PRDM16: variants seen among roughly 807,000 people sequenced by gnomAD.
The protein encoded by PRDM16 is PR/SET domain 16.
In PRDM16, 23 loss-of-function variants were observed where a neutral mutation model predicts 110.6. That is an observed-to-expected ratio of 0.21 (90% confidence interval 0.15 to 0.29). The LOEUF is 0.29. PRDM16 is among the 10% of genes least tolerant of loss of function. PRDM16 has a pLI of 1.00. For missense variants in PRDM16, 1,615 were observed against 1,794.3 expected (o/e 0.90, Z 1.81); for synonymous variants, 799 against 781.8 (o/e 1.02, Z -0.37).
intron 3 of PRDM16, among the ~76,000 whole-genome samples, chr1:3,275,581 C>T (rs968348359): frequency 1.3e-4 from 20 of 152,318 alleles, no homozygotes; most frequent in African/African-American, 4.1e-4. Context: ...AGGCAGCACT[C>T]CTCGGTGGGG....
chr1:3,242,656 C>G (rs143453673), intron 2 of PRDM16, among the ~76,000 whole-genome samples: 3 of 152,176 alleles, frequency 2.0e-5, no homozygotes, highest in African/African-American at 4.8e-5. Flanking sequence ...CAGGGTGACC[C>G]GGAAGGCGAT....
chr1:3,185,137 C>T (rs1644252951), intron 1 of PRDM16, among the ~76,000 whole-genome samples: 1 of 152,162 alleles, frequency 6.6e-6, no homozygotes, highest in African/African-American at 2.4e-5. Flanking sequence ...GAGGGCTTTG[C>T]TTTTCTTCCT....
chr1:3,389,781 G>A (rs1051423279), intron 4 of PRDM16, among the ~76,000 whole-genome samples: 3 of 152,206 alleles, frequency 2.0e-5, no homozygotes, highest in Non-Finnish European at 2.9e-5. Context: ...ACAGCTGCGG[G>A]GACCGAGCCT....
At chr1:3,123,611 G>A (rs1643142756) in intron 1 of PRDM16, among the ~76,000 whole-genome samples, 1 of 152,246 alleles carries the variant, frequency 6.6e-6, no homozygotes, top group Admixed American at 6.5e-5. Context: ...TGCTGGAACT[G>A]GGAGGGGGGG....
In PRDM16 at chr1:3,382,808, C is replaced by T. The variant is rs1489267546; in HGVS notation, c.439-2344C>T. On this transcript the variant is annotated intron_variant, in intron 3 of 16. Transcript: ENST00000270722. This position sits in a 1 kb window ranked among gnomAD's most constrained non-coding sequence, Gnocchi z 6.6. Reference sequence around the variant, plus strand: ...GGGCACGGCCCGCCCTGGGTGAGCACCAGCCCTCAGCCCACAGGCACTGTG... The same window carrying T: ...GGGCACGGCCCGCCCTGGGTGAGCATCAGCCCTCAGCCCACAGGCACTGTG... Among the ~76,000 whole-genome samples the T allele has an allele frequency of 6.6e-6, 1 of 152,194 alleles. No individual in the cohort carries two copies.
At chr1:3,137,026 G>A (rs1643452300) in intron 1 of PRDM16, among the ~76,000 whole-genome samples, 1 of 152,328 alleles carries the variant, frequency 6.6e-6, no homozygotes, top group African/African-American at 2.4e-5. Flanking sequence ...TCACCGGACA[G>A]ATGGGGTGGG....
At chr1:3,153,709 T>C (rs1456041963) in intron 1 of PRDM16, among the ~76,000 whole-genome samples, 2 of 152,204 alleles carry the variant, frequency 1.3e-5, no homozygotes, top group African/African-American at 4.8e-5. Flanking sequence ...GGGTTTCAAG[T>C]ACACATTTAA....
intron 3 of PRDM16, among the ~76,000 whole-genome samples, chr1:3,348,049 C>T (rs1424069329): frequency 6.6e-6 from 1 of 152,160 alleles, no homozygotes; most frequent in Non-Finnish European, 1.5e-5. Flanking sequence ...GTCAGGCTGC[C>T]CATGCCTCTG....
chr1:3,320,089 T>A (rs1488913672), intron 3 of PRDM16, among the ~76,000 whole-genome samples: 1 of 152,182 alleles, frequency 6.6e-6, no homozygotes, highest in African/African-American at 2.4e-5. Flanking sequence ...TACTTCCTTG[T>A]TCCTGGATAT....
At chr1:3,074,501 C>G (rs2100551164) in intron 1 of PRDM16, among the ~76,000 whole-genome samples, 1 of 152,232 alleles carries the variant, frequency 6.6e-6, no homozygotes, top group Admixed American at 6.5e-5. Context: ...CAGGTCTGTT[C>G]TTAAAAAGCA....
chr1:3,132,079 C>G (rs766301672), intron 1 of PRDM16, among the ~76,000 whole-genome samples: 1 of 151,960 alleles, frequency 6.6e-6, no homozygotes, highest in Non-Finnish European at 1.5e-5. Flanking sequence ...GGGAAATGAG[C>G]GATCAGGGGC....
chr1:3,412,095 CTGACAA>C lies in PRDM16; in HGVS notation c.1899_1904del (p.Asp636_Lys637del), dbSNP rs1262794331. 2 of 1,586,228 alleles carry C rather than the reference CTGACAA, an allele frequency of 1.3e-6. No individual in the cohort carries two copies. Among genetic ancestry groups the C allele is most frequent in the East Asian group, 2.2e-5 (1 of 44,498 alleles). On this transcript the variant is annotated inframe_deletion, in exon 9 of 17. Coordinates refer to ENST00000270722, the MANE Select transcript of PRDM16 (RefSeq NM_022114.4). ...CTGGACAGCGACGTGGACAGCGACC[CTGACAA>C]GGACAAGGGCAAGGGCAAGTCCGCC...
intron 1 of PRDM16, among the ~76,000 whole-genome samples, chr1:3,083,971 G>T (rs1642090529): frequency 6.6e-6 from 1 of 152,246 alleles, no homozygotes; most frequent in Non-Finnish European, 1.5e-5. Flanking sequence ...GCAGAGATCA[G>T]ATCAGGAGAC....
rs567430260 is a variant in PRDM16 at position 3,427,836 on chromosome 1, G to A, written c.3284+1611G>A. On this transcript the variant is annotated intron_variant, in intron 14 of 16. Transcript: ENST00000270722. Reference sequence around the variant, plus strand: ...CCACCTACTCTGCAGCCCCCAGGCTGTCCCGGCATTCCCCAGTGGGCTCCA... The same window carrying A: ...CCACCTACTCTGCAGCCCCCAGGCTATCCCGGCATTCCCCAGTGGGCTCCA... 1.6e-4 allele frequency among the ~76,000 whole-genome samples: 25 copies of A among 152,258 alleles called. No individual in the cohort carries two copies. The South Asian group carries it at 3.3e-3, about 20-fold the overall frequency.
chr1:3,105,060 GC>G (rs1171910598), intron 1 of PRDM16, among the ~76,000 whole-genome samples: 1 of 151,992 alleles, frequency 6.6e-6, no homozygotes, highest in Non-Finnish European at 1.5e-5. Flanking sequence ...GGGGGTGGGG[GC>G]GGGTGGAAGG....
At chr1:3,118,942 C>T (rs1202923300) in intron 1 of PRDM16, among the ~76,000 whole-genome samples, 1 of 152,238 alleles carries the variant, frequency 6.6e-6, no homozygotes. Flanking sequence ...CCTTCTAAGG[C>T]ATTTTGGCAA....
intron 3 of PRDM16, among the ~76,000 whole-genome samples, chr1:3,282,968 GT>G (rs745903195): frequency 1.2e-4 from 19 of 152,242 alleles, no homozygotes; most frequent in Non-Finnish European, 2.5e-4. Flanking sequence ...TTCCTTCTGA[GT>G]TTTCTTTGAC....
chr1:3,233,031 A>G (rs1363417826), intron 2 of PRDM16, among the ~76,000 whole-genome samples: 3 of 152,264 alleles, frequency 2.0e-5, no homozygotes, highest in East Asian at 1.9e-4. Context: ...TTCTATAACT[A>G]AAAAGGGTTG....
intron 3 of PRDM16, among the ~76,000 whole-genome samples, chr1:3,296,932 C>G (rs1356868795): frequency 6.6e-6 from 1 of 152,316 alleles, no homozygotes; most frequent in East Asian, 1.9e-4. Flanking sequence ...CGCGCTCAGA[C>G]ACTCATATCA....
Sources: allele counts gnomAD v4.1 joint callset (sites outside exome capture counted in the v4.1 genomes callset), GRCh38; gene constraint gnomAD v4.1.1; non-coding constraint Gnocchi (gnomAD v3.1); transcripts MANE v1.5; gene names NCBI Gene and HGNC (gene_info 2026-07-23, HGNC 2026-07-21).